Variants in RNF166 observed in about 807,000 individuals in gnomAD.
The protein encoded by RNF166 is E3 ubiquitin-protein ligase RNF166.
RNF166 carries 19 observed loss-of-function variants against 29.4 expected under a neutral mutation model. The ratio of observed to expected loss-of-function variants is 0.65; its 90% CI spans 0.45 to 0.95. RNF166 has a LOEUF of 0.95. Among genes scored for constraint, RNF166 ranks in the 40% least tolerant of loss-of-function variants. The pLI, the probability that RNF166 is intolerant of heterozygous loss-of-function variation, is 0.00. For synonymous variants in RNF166, 171 were observed against 134.5 expected, an observed-to-expected ratio of 1.27 and a Z score of -1.88; for missense variants, 347 against 322.1, an observed-to-expected ratio of 1.08 and a Z score of -0.59.
At chr16:88,697,815 G>A (rs2142621107) in intron 5 of RNF166, 182 bp from the exon 6 acceptor site, 2 of 576,906 alleles carry the variant, frequency 3.5e-6, no homozygotes, top group Non-Finnish European at 6.3e-6. Flanking sequence ...GGGTGAGAAG[G>A]TGAAGGTGTG....
intron 2 of RNF166, 133 bp downstream of exon 2, chr16:88,701,128 TG>T: frequency 7.7e-7 from 1 of 1,297,132 alleles, no homozygotes; most frequent in Non-Finnish European, 1.1e-6. Context: ...GCTGGCTTCC[TG>T]GTGCAGGAGC....
Position 88,697,484 on chromosome 16 carries a change from G to T in RNF166, c.*84C>A. 1.0e-6 allele frequency: 1 copy of T among 1,004,504 alleles called. No individual in the cohort carries two copies. Among genetic ancestry groups the T allele is most frequent in the Non-Finnish European group, 1.5e-6 (1 of 659,552 alleles). 62.2% of individuals were successfully genotyped at this position (1,004,504 alleles called of 1,614,324 possible). ...CCTCCTGTGAGCTCAGTCCGGTGAG[G>T]TGCGCTCCCGAGCAGGTGCCAGGTG... On this transcript the variant is annotated 3_prime_UTR_variant, in exon 6 of 6. Coordinates refer to ENST00000312838, the MANE Select transcript of RNF166 (RefSeq NM_178841.4).
intron 2 of RNF166, among the ~76,000 whole-genome samples, chr16:88,700,333 G>A (rs555949119): frequency 2.0e-5 from 3 of 152,288 alleles, no homozygotes; most frequent in Admixed American, 6.5e-5. Context: ...ATTAGAGAAC[G>A]GAGCTGCTGT....
chr16:88,701,219 A>G (rs1462657664), intron 2 of RNF166, 43 bp downstream of exon 2: 14 of 1,611,866 alleles, frequency 8.7e-6, no homozygotes, highest in Non-Finnish European at 1.2e-5. Flanking sequence ...GAGGCTGCCC[A>G]TCAAGTGACC....
intron 5 of RNF166, 111 bp from the exon 6 acceptor site, chr16:88,697,744 G>T (rs992742145): frequency 5.2e-6 from 4 of 773,954 alleles, no homozygotes; most frequent in Non-Finnish European, 8.8e-6. Flanking sequence ...CCTCCAGCAG[G>T]ACACAGGAAG....
chr16:88,698,945 C>G (rs768411827), intron 4 of RNF166, 26 bp downstream of exon 4: 2 of 1,511,522 alleles, frequency 1.3e-6, no homozygotes, highest in Non-Finnish European at 1.8e-6. Flanking sequence ...CTGGCGCAGG[C>G]GTCGCTTGGG....
chr16:88,702,491 T>G (rs1361994986), intron 1 of RNF166, among the ~76,000 whole-genome samples: 1 of 151,886 alleles, frequency 6.6e-6, no homozygotes, highest in Admixed American at 6.6e-5. Flanking sequence ...AGGGCCAGAG[T>G]CCTCTTTGCT....
chr16:88,703,076 G>A (rs901528969), intron 1 of RNF166: 8 of 985,460 alleles, frequency 8.1e-6, no homozygotes, highest in Non-Finnish European at 9.6e-6. Flanking sequence ...GGAAGGCCTG[G>A]AAAACAGTGC....
At position 88,697,350 on chromosome 16, in the gene RNF166, C is replaced by A. The variant is rs1408385547; in HGVS notation, c.*218G>T. ...TGCTCGGCCAGAAGCACCGAAGAAC[C>A]CAGCGACGCCGGTGGGACCAGGCGG... On this transcript the variant is annotated 3_prime_UTR_variant, in exon 6 of 6. Transcript: ENST00000312838. The A allele has an allele frequency of 4.4e-6, 2 of 459,282 alleles. No homozygotes were observed. The highest frequency in any genetic ancestry group is 4.1e-5 in the African/African-American group (2 of 48,944). The allele number at this position is 459,282 out of a possible 1,614,324, so 28.5% of individuals were successfully genotyped here. A position where few individuals can be genotyped will look rare whatever the true frequency, so the allele number is the denominator to read the frequency against.
At chr16:88,704,252 A>G in intron 1 of RNF166, 1 of 985,508 alleles carries the variant, frequency 1.0e-6, no homozygotes, top group Non-Finnish European at 1.2e-6. Context: ...AACACCAACA[A>G]GAAACAAAGT....
rs534493745 is a variant in RNF166 at position 88,697,355 on chromosome 16, G to A, written c.*213C>T. 8 of 463,156 alleles carry A rather than the reference G, an allele frequency of 1.7e-5. No individual in the cohort carries two copies. The highest frequency in any genetic ancestry group is 2.7e-5 in the Non-Finnish European group (7 of 256,614). The allele number at this position is 463,156 out of a possible 1,614,324, so 28.7% of individuals were successfully genotyped here. ...GGCCAGAAGCACCGAAGAACCCAGC[G>A]ACGCCGGTGGGACCAGGCGGCCCTG... On this transcript the variant is annotated 3_prime_UTR_variant, in exon 6 of 6. Coordinates refer to ENST00000312838, the MANE Select transcript of RNF166 (RefSeq NM_178841.4).
chr16:88,699,141 C>T, intron 3 of RNF166, 56 bp from the exon 4 acceptor site: 3 of 1,208,726 alleles, frequency 2.5e-6, no homozygotes, highest in Non-Finnish European at 1.2e-6. Context: ...GGCTCTGCCT[C>T]CCCGCTTCTC....
chr16:88,698,440 C>G lies in RNF166; in HGVS notation c.648+62G>C, dbSNP rs756455587. ...GCGGACCCTGAGGCTGGCGAGGGGC[C>G]CGAGCAGGAGGAGGGTGGATGAGGA... On this transcript the variant is annotated intron_variant, in intron 5 of 5. Coordinates refer to ENST00000312838, the MANE Select transcript of RNF166 (RefSeq NM_178841.4). The G allele has an allele frequency of 9.7e-6, 13 of 1,337,020 alleles. No individual in the cohort carries two copies. The South Asian group carries it at 1.5e-4, about 15-fold the overall frequency. 82.8% of individuals were successfully genotyped at this position (1,337,020 alleles called of 1,614,324 possible). A position where few individuals can be genotyped will look rare whatever the true frequency, so the allele number is the denominator to read the frequency against.
chr16:88,699,059 G>A lies in RNF166; in HGVS notation c.452C>T (p.Ala151Val). The A allele has an allele frequency of 6.2e-7, 1 of 1,610,450 alleles. No individual in the cohort carries two copies. Among genetic ancestry groups the A allele is most frequent in the African/African-American group, 1.3e-5 (1 of 75,026 alleles). Reference protein sequence around the residue: ...PSNIPNRSTFACPYCGARNLD... With the variant: ...PSNIPNRSTFVCPYCGARNLD... ...GTTGCGGGCACCACAGTACGGGCAG[G>A]CGAAGGTGGACCTGTTGGGGATGTT... Residue 151 changes from alanine to valine, a missense_variant, in exon 4 of 6, where the codon GCC becomes GTC. Transcript: ENST00000312838.
chr16:88,702,736 T>TA (rs1353672933), intron 1 of RNF166: 21 of 985,250 alleles, frequency 2.1e-5, no homozygotes, highest in Non-Finnish European at 2.3e-5. Context: ...GAACAAGCCT[T>TA]TTTCTGCAGA....
At chr16:88,703,007 G>C (rs1004527953) in intron 1 of RNF166, 1 of 985,366 alleles carries the variant, frequency 1.0e-6, no homozygotes, top group Middle Eastern at 5.2e-4. Context: ...ACGGCGTGGC[G>C]TGCACACCCA....
chr16:88,702,753 A>G lies in RNF166; in HGVS notation c.156-1335T>C, dbSNP rs1597410482. On this transcript the variant is annotated intron_variant, in intron 1 of 5. Transcript: ENST00000312838. ...ACAAGCCTTTTTCTGCAGAGTAAAG[A>G]GGTCGCTCACTTTACCCACCTCACC... The G allele has an allele frequency of 1.8e-5, 18 of 985,424 alleles. No individual in the cohort carries two copies. In the South Asian group the frequency reaches 5.6e-4, roughly 31 times the overall value. The allele number at this position is 985,424 out of a possible 1,614,324, so 61.0% of individuals were successfully genotyped here.
chr16:88,703,877 C>G (rs1220386491), intron 1 of RNF166: 1 of 985,354 alleles, frequency 1.0e-6, no homozygotes, highest in Non-Finnish European at 1.2e-6. Flanking sequence ...AGGCCAGCAC[C>G]CTCAGCAAGC....
chr16:88,701,465 C>A (rs753643940), intron 1 of RNF166, 47 bp from the exon 2 acceptor site: 1 of 1,500,326 alleles, frequency 6.7e-7, no homozygotes, highest in South Asian at 1.3e-5. Flanking sequence ...TCGGGTCTCC[C>A]GAACCGCAGG....
Sources: gnomAD v4.1 joint callset for allele counts (sites outside exome capture counted in the v4.1 genomes callset) on GRCh38, gnomAD v4.1.1 for gene constraint, MANE v1.5 for transcripts, NCBI Gene and HGNC (gene_info 2026-07-23, HGNC 2026-07-21) for gene names.